The following PARD3 variants were observed in gnomAD, a reference collection of about 807,000 sequenced individuals.
PARD3 encodes the protein partitioning defective 3 homolog.
Under a neutral mutation model 155.4 loss-of-function variants are expected in PARD3, and 75 were observed. That is an observed-to-expected ratio of 0.48 (90% CI 0.40 to 0.58). The LOEUF (loss-of-function observed/expected upper bound fraction) is 0.58. PARD3 is among the 20% of genes least tolerant of loss of function. The pLI, the probability that PARD3 is intolerant of heterozygous loss-of-function variation, is 0.00. For missense variants in PARD3, 1,642 were observed against 1,721.7 expected (o/e 0.95, Z 0.82); for synonymous variants, 576 against 610.5 (o/e 0.94, Z 0.83).
At chr10:34,455,302 G>A in intron 4 of PARD3, among the ~76,000 whole-genome samples, 1 of 151,946 alleles carries the variant, frequency 6.6e-6, no homozygotes, top group East Asian at 1.9e-4. Flanking sequence ...GCATCATATG[G>A]TTTCAAATAT....
intron 2 of PARD3, among the ~76,000 whole-genome samples, chr10:34,583,754 G>A (rs927503583): frequency 5.9e-5 from 9 of 152,072 alleles, no homozygotes; most frequent in African/African-American, 1.7e-4. Context: ...AATGACATTA[G>A]TATTGATCTT....
At chr10:34,510,530 G>A (rs187213536) in intron 3 of PARD3, among the ~76,000 whole-genome samples, 275 of 152,186 alleles carry the variant, frequency 1.8e-3, no homozygotes, top group African/African-American at 6.3e-3. Context: ...AATGTACTTT[G>A]TTTGTTGCAA....
chr10:34,232,806 T>C (rs563549359), intron 22 of PARD3, among the ~76,000 whole-genome samples: 13 of 152,128 alleles, frequency 8.5e-5, no homozygotes, highest in African/African-American at 2.4e-4. Flanking sequence ...GCTCATGCAA[T>C]TCTCCCATCT....
chr10:34,225,098 T>C (rs1461224293), intron 22 of PARD3, among the ~76,000 whole-genome samples: 1 of 152,228 alleles, frequency 6.6e-6, no homozygotes, highest in Admixed American at 6.5e-5. Context: ...GGTCCTACTA[T>C]GTTTCAGCCA....
At chr10:34,228,677 G>C (rs1952753278) in intron 22 of PARD3, among the ~76,000 whole-genome samples, 1 of 152,088 alleles carries the variant, frequency 6.6e-6, no homozygotes, top group Non-Finnish European at 1.5e-5. Flanking sequence ...CTGGTATAAA[G>C]TATTGGTTAG....
intron 22 of PARD3, among the ~76,000 whole-genome samples, chr10:34,246,998 G>T (rs1005628885): frequency 2.0e-5 from 3 of 151,992 alleles, no homozygotes; most frequent in African/African-American, 7.2e-5. Context: ...GAGGTGGGAG[G>T]ACTGCTGGAG....
intron 5 of PARD3, among the ~76,000 whole-genome samples, chr10:34,424,479 T>C (rs913069431): frequency 5.3e-5 from 8 of 152,250 alleles, no homozygotes; most frequent in Middle Eastern, 6.8e-3. Context: ...GCTTAGTAAT[T>C]CAAGTAATCA....
At chr10:34,173,815 T>A (rs1052526492) in intron 22 of PARD3, among the ~76,000 whole-genome samples, 7 of 152,128 alleles carry the variant, frequency 4.6e-5, no homozygotes, top group Non-Finnish European at 1.0e-4. Context: ...ATTTTCCACA[T>A]CAGAGCTCCT....
intron 14 of PARD3, 127 bp from the exon 15 acceptor site, chr10:34,348,242 C>T (rs1165618106): frequency 8.8e-6 from 6 of 681,522 alleles, no homozygotes; most frequent in Non-Finnish European, 1.3e-5. Flanking sequence ...TAGAACTTTT[C>T]ACCCTGTACC....
intron 5 of PARD3, among the ~76,000 whole-genome samples, chr10:34,441,544 G>C (rs900765911): frequency 1.4e-4 from 21 of 152,170 alleles, no homozygotes; most frequent in African/African-American, 5.1e-4. Context: ...GTCTTTTGTT[G>C]TTAAATATAT....
chr10:34,318,169 T>C (rs1469468289), intron 19 of PARD3, among the ~76,000 whole-genome samples: 1 of 152,144 alleles, frequency 6.6e-6, no homozygotes, highest in Non-Finnish European at 1.5e-5. Context: ...CCCAAACTTT[T>C]TGCAGTTGAA....
chr10:34,449,205 C>T (rs1415892888), intron 5 of PARD3, among the ~76,000 whole-genome samples: 1 of 151,900 alleles, frequency 6.6e-6, no homozygotes, highest in Non-Finnish European at 1.5e-5. Context: ...GAGTGGGCCA[C>T]CGCACCCGGC....
At chr10:34,551,077 A>G (rs2084516155) in intron 2 of PARD3, among the ~76,000 whole-genome samples, 1 of 152,202 alleles carries the variant, frequency 6.6e-6, no homozygotes, top group African/African-American at 2.4e-5. Context: ...TATGCAAAAA[A>G]AGAGTAACCC....
intron 1 of PARD3, among the ~76,000 whole-genome samples, chr10:34,802,672 A>G (rs11009944): frequency 0.35 from 53,632 of 151,962 alleles, 10,602 homozygotes; most frequent in African/African-American, 0.55. Flanking sequence ...AAATTGCAGA[A>G]GGAGGTTTCC....
chr10:34,344,473 G>A, intron 15 of PARD3: 1 of 584,666 alleles, frequency 1.7e-6, no homozygotes, highest in Non-Finnish European at 2.2e-6. Context: ...CGTAGAGACA[G>A]GGTTTCACAT....
At chr10:34,659,837 T>C (rs529259616) in intron 2 of PARD3, among the ~76,000 whole-genome samples, 2 of 152,342 alleles carry the variant, frequency 1.3e-5, no homozygotes, top group South Asian at 4.1e-4. Context: ...AGCCAGGCCA[T>C]CTAGGTTATA....
intron 17 of PARD3, 68 bp downstream of exon 17, chr10:34,337,207 G>T: frequency 1.0e-6 from 1 of 993,422 alleles, no homozygotes. Flanking sequence ...ATCTGCTTGG[G>T]ACCATCAATT....
intron 3 of PARD3, among the ~76,000 whole-genome samples, chr10:34,487,940 T>C (rs1466142995): frequency 6.6e-6 from 1 of 152,220 alleles, no homozygotes; most frequent in Non-Finnish European, 1.5e-5. Flanking sequence ...CTTTGACATT[T>C]GTCTTCTATT....
At chr10:34,658,213 T>C (rs1031037681) in intron 2 of PARD3, among the ~76,000 whole-genome samples, 7 of 152,156 alleles carry the variant, frequency 4.6e-5, no homozygotes, top group Admixed American at 1.3e-4. Context: ...ATGTGTTTTA[T>C]ACCTTTTGGT....
Sources: allele counts gnomAD v4.1 joint callset (sites outside exome capture counted in the v4.1 genomes callset), GRCh38; gene constraint gnomAD v4.1.1; transcripts MANE v1.5; gene names NCBI Gene and HGNC (gene_info 2026-07-23, HGNC 2026-07-21).